The following TSPAN1 variants were observed in gnomAD, a reference collection of about 807,000 sequenced individuals.
TSPAN1 encodes tetraspanin 1.
In TSPAN1, 23 loss-of-function variants were observed where a neutral mutation model predicts 26.9. That is an observed-to-expected ratio of 0.85 (90% CI 0.62 to 1.21). The LOEUF is 1.21. TSPAN1 is among the 50% of genes most tolerant of loss of function. The probability of loss-of-function intolerance (pLI) is 0.00; values close to 1 mark genes in which losing one functional copy is unlikely to be tolerated. For missense variants in TSPAN1, 283 were observed against 298.4 expected (o/e 0.95, Z 0.38); for synonymous variants, 115 against 114.8 (o/e 1.00, Z -0.01).
intron 1 of TSPAN1, 56 bp downstream of exon 1, chr1:46,175,465 C>A (rs1294536141): frequency 5.0e-6 from 2 of 397,144 alleles, no homozygotes; most frequent in Non-Finnish European, 8.9e-6. Context: ...CTGGTTAACA[C>A]CTCTGTGTGG....
chr1:46,176,504 G>A (rs767146403), intron 1 of TSPAN1: 1 of 1,533,126 alleles, frequency 6.5e-7, no homozygotes, highest in Non-Finnish European at 8.7e-7. Context: ...GTGCCTGGGG[G>A]GTGCTGTTGG....
chr1:46,175,541 C>A (rs1286065169), intron 1 of TSPAN1, 132 bp downstream of exon 1: 5 of 398,848 alleles, frequency 1.3e-5, no homozygotes, highest in African/African-American at 2.1e-5. Context: ...CTAGGAGATG[C>A]AGGTCCAGGG....
At chr1:46,194,319 T>C in the TSPAN1 span, 7 of 1,614,082 alleles carry the variant, frequency 4.3e-6, no homozygotes, top group Non-Finnish European at 5.9e-6. Context: ...TGCAGCTGCA[T>C]ACACTTCCAT....
At chr1:46,187,105 A>G (rs74227082), downstream of TSPAN1, among the ~76,000 whole-genome samples, 3,664 of 152,252 alleles carry the variant, frequency 0.024, 147 homozygotes, top group African/African-American at 0.079. Flanking sequence ...ACCTCACCTG[A>G]CCTAGACCTC....
chr1:46,177,374 TCTATCTAA>T (rs1199604899), intron 1 of TSPAN1, among the ~76,000 whole-genome samples: 2 of 138,584 alleles, frequency 1.4e-5, no homozygotes, highest in African/African-American at 2.7e-5. Flanking sequence ...TATCTATCTA[TCTATCTAA>T]CTATCTATCT....
At chr1:46,181,648 T>C (rs548290273) in intron 3 of TSPAN1, among the ~76,000 whole-genome samples, 10 of 152,334 alleles carry the variant, frequency 6.6e-5, no homozygotes, top group Admixed American at 5.9e-4. Flanking sequence ...TTGTCTAGGA[T>C]ACCATGATGG....
At chr1:46,194,510 C>T in the TSPAN1 span, 2 of 1,614,050 alleles carry the variant, frequency 1.2e-6, no homozygotes, top group Non-Finnish European at 1.7e-6. Context: ...AAATGCCCAC[C>T]CCCAGCCCAG....
chr1:46,184,598 T>C lies in TSPAN1; in HGVS notation c.269T>C (p.Phe90Ser), dbSNP rs145702144. 87 of 1,614,082 alleles carry C rather than the reference T, an allele frequency of 5.4e-5. No homozygotes were observed. Among genetic ancestry groups the C allele is most frequent in the Non-Finnish European group, 6.9e-5 (82 of 1,180,046 alleles). Residue 90 changes from phenylalanine to serine, a missense_variant, in exon 5 of 9, where the codon TTC becomes TCC. Coordinates refer to ENST00000372003, the MANE Select transcript of TSPAN1 (RefSeq NM_005727.4). ...AGACCCCTGTTCCCCACTCAGTTCT[T>C]CTTCATCCTCCTCCTCATCTTCATT... ...TESKCALVTF[F>S]FILLLIFIAE...
chr1:46,194,709 T>C, the TSPAN1 span: 4 of 1,614,044 alleles, frequency 2.5e-6, no homozygotes, highest in African/African-American at 5.3e-5. Flanking sequence ...GGGGGCTTTT[T>C]CCCATCTCCC....
rs767792863 is a variant in TSPAN1, at chr1:46,185,011, T to C, written c.490T>C (p.Phe164Leu). 1 of 1,614,144 alleles carries C rather than the reference T, an allele frequency of 6.2e-7. No homozygotes were observed. The highest frequency in any genetic ancestry group is 2.2e-5 in the East Asian group (1 of 44,880). ...TACGGATTTTGAGGACTCACCCTACTTCAAAGAGAACAGTGCCTTTCCCCC... is the reference window on the plus strand; with the variant it reads ...TACGGATTTTGAGGACTCACCCTACCTCAAAGAGAACAGTGCCTTTCCCCC... The part of the protein sequence containing the change: ...NYTDFEDSPY[F>L]KENSAFPPFC... The change falls in exon 7 of 9, where the codon TTC (phenylalanine) becomes CTC (leucine). Residue 164 changes from phenylalanine to leucine, a missense_variant. Transcript: ENST00000372003.
downstream of TSPAN1, among the ~76,000 whole-genome samples, chr1:46,188,089 G>T (rs1657477471): frequency 6.6e-6 from 1 of 152,102 alleles, no homozygotes; most frequent in Non-Finnish European, 1.5e-5. Context: ...GACTAACTTA[G>T]ATCTTCCTAA....
At chr1:46,190,172 G>A, downstream of TSPAN1, 2 of 751,756 alleles carry the variant, frequency 2.7e-6, no homozygotes. Flanking sequence ...AGCCTCCCAA[G>A]TAGCTGGGAC....
At chr1:46,187,118 C>G (rs1470809149), downstream of TSPAN1, among the ~76,000 whole-genome samples, 1 of 152,236 alleles carries the variant, frequency 6.6e-6, no homozygotes, top group African/African-American at 2.4e-5. Flanking sequence ...TAGACCTCAT[C>G]TCTTCTTTAG....
chr1:46,192,033 A>G, the TSPAN1 span: 12 of 1,541,138 alleles, frequency 7.8e-6, no homozygotes, highest in Non-Finnish European at 9.8e-6. Flanking sequence ...AGATTGCTTC[A>G]GAGTCCATGT....
At chr1:46,181,258 C>A in intron 3 of TSPAN1, 94 bp downstream of exon 3, 1 of 1,288,874 alleles carries the variant, frequency 7.8e-7, no homozygotes, top group South Asian at 1.3e-5. Flanking sequence ...GACTGCTATG[C>A]CCAGGCTTCG....
At chr1:46,196,449 C>G in the TSPAN1 span, among the ~76,000 whole-genome samples, 1 of 152,202 alleles carries the variant, frequency 6.6e-6, no homozygotes, top group Non-Finnish European at 1.5e-5. The surrounding 1 kb of genome is among the most constrained non-coding windows in gnomAD (Gnocchi z 4.4). Context: ...AAGAAAGGAC[C>G]AGGGGATGGT....
chr1:46,194,563 G>A, the TSPAN1 span: 3 of 1,614,068 alleles, frequency 1.9e-6, no homozygotes, highest in Non-Finnish European at 1.7e-6. Context: ...CTTCTGCTGA[G>A]CTCAATGGCA....
At chr1:46,189,640 C>A (rs1657593639), downstream of TSPAN1, 2 of 1,561,448 alleles carry the variant, frequency 1.3e-6, no homozygotes, top group Admixed American at 1.9e-5. Flanking sequence ...GACCCTTTGG[C>A]CCAGCCCCCA....
At chr1:46,188,796 T>A, downstream of TSPAN1, 1 of 1,612,794 alleles carries the variant, frequency 6.2e-7, no homozygotes, top group Non-Finnish European at 8.5e-7. Flanking sequence ...TCTGAGTGAG[T>A]CTGTGTCAGC....
Sources: allele counts gnomAD v4.1 joint callset (sites outside exome capture counted in the v4.1 genomes callset), GRCh38; gene constraint gnomAD v4.1.1; non-coding constraint Gnocchi (gnomAD v3.1); transcripts MANE v1.5; gene names NCBI Gene and HGNC (gene_info 2026-07-23, HGNC 2026-07-21).